The following LPP variants were observed in gnomAD, a reference collection of about 807,000 sequenced individuals.
LPP encodes the protein lipoma-preferred partner.
LPP carries 38 observed loss-of-function variants against 60.4 expected under a neutral mutation model. That is an observed-to-expected ratio of 0.63 (90% CI 0.49 to 0.83). The LOEUF (loss-of-function observed/expected upper bound fraction) is 0.83. Among genes scored for constraint, LPP ranks in the 40% least tolerant of loss-of-function variants. LPP has a pLI of 0.00. For synonymous variants in LPP, 328 were observed against 290.8 expected (o/e 1.13, Z -1.30); for missense variants, 902 against 783.6 (o/e 1.15, Z -1.80).
intron 3 of LPP, among the ~76,000 whole-genome samples, chr3:188,345,504 A>T (rs1210369271): frequency 6.6e-6 from 1 of 151,940 alleles, no homozygotes; most frequent in African/African-American, 2.4e-5. Context: ...GGGGAACATT[A>T]AAAAAAAGAA....
intron 8 of LPP, among the ~76,000 whole-genome samples, chr3:188,749,443 T>G (rs1255878948): frequency 2.0e-5 from 3 of 152,200 alleles, no homozygotes; most frequent in Non-Finnish European, 4.4e-5. Flanking sequence ...ACCCTTGAAA[T>G]CCTCTTAACA....
chr3:188,686,177 A>G (rs906133343), intron 7 of LPP, among the ~76,000 whole-genome samples: 1 of 152,158 alleles, frequency 6.6e-6, no homozygotes, highest in African/African-American at 2.4e-5. Context: ...TCTGTACAAA[A>G]TATATTACTC....
At chr3:188,260,036 C>A (rs1277333501) in intron 2 of LPP, among the ~76,000 whole-genome samples, 1 of 151,558 alleles carries the variant, frequency 6.6e-6, no homozygotes, top group Admixed American at 6.6e-5. Flanking sequence ...ATTTATTATT[C>A]TTATTTTATT....
At chr3:188,731,421 T>C (rs1263288422) in intron 8 of LPP, among the ~76,000 whole-genome samples, 2 of 152,210 alleles carry the variant, frequency 1.3e-5, no homozygotes, top group Non-Finnish European at 2.9e-5. Context: ...GCTTGATCTT[T>C]TTGATGGAGC....
At chr3:188,190,995 G>A (rs1194277606) in intron 1 of LPP, among the ~76,000 whole-genome samples, 1 of 152,238 alleles carries the variant, frequency 6.6e-6, no homozygotes, top group African/African-American at 2.4e-5. Context: ...ACTTTGGGGG[G>A]CCGAGGCAGG....
At chr3:188,161,512 C>A (rs1419834453) in intron 1 of LPP, among the ~76,000 whole-genome samples, 1 of 152,124 alleles carries the variant, frequency 6.6e-6, no homozygotes, top group East Asian at 1.9e-4. Flanking sequence ...AGCAAGCTGC[C>A]AGCCAAGCAT....
At chr3:188,309,603 T>C (rs1752729680) in intron 2 of LPP, among the ~76,000 whole-genome samples, 1 of 152,132 alleles carries the variant, frequency 6.6e-6, no homozygotes, top group Admixed American at 6.6e-5. Flanking sequence ...GAATTAGTTG[T>C]GTCCTGTGGC....
At chr3:188,854,117 GAGTT>G (rs1763274292) in intron 9 of LPP, among the ~76,000 whole-genome samples, 1 of 152,194 alleles carries the variant, frequency 6.6e-6, no homozygotes, top group South Asian at 2.1e-4. Flanking sequence ...GACACTGAAA[GAGTT>G]AGTCCACCAC....
intron 4 of LPP, among the ~76,000 whole-genome samples, chr3:188,450,916 G>A (rs7609720): frequency 0.35 from 52,925 of 151,924 alleles, 10,489 homozygotes; most frequent in African/African-American, 0.53. Context: ...TGCCACAAAT[G>A]TACTGTCGTG....
intron 7 of LPP, among the ~76,000 whole-genome samples, chr3:188,652,929 C>T (rs569983521): frequency 1.3e-5 from 2 of 152,150 alleles, no homozygotes. Context: ...ACCCTACCCC[C>T]AAATGTCTAA....
intron 2 of LPP, among the ~76,000 whole-genome samples, chr3:188,310,669 A>C (rs1347631106): frequency 6.6e-6 from 1 of 152,116 alleles, no homozygotes; most frequent in East Asian, 1.9e-4. Context: ...ATTTTTTTAA[A>C]ATTCATTTTC....
At chr3:188,509,019 G>T (rs1814402496) in intron 5 of LPP, among the ~76,000 whole-genome samples, 1 of 152,196 alleles carries the variant, frequency 6.6e-6, no homozygotes, top group Admixed American at 6.5e-5. Context: ...AAAATCTTAT[G>T]TTCATGGATA....
intron 7 of LPP, among the ~76,000 whole-genome samples, chr3:188,637,919 G>A (rs1317863614): frequency 4.8e-4 from 72 of 149,884 alleles, no homozygotes; most frequent in East Asian, 2.2e-3. Flanking sequence ...ATTCACAGCC[G>A]AATTCTACCA....
chr3:188,165,962 A>G (rs1322726352), intron 1 of LPP, among the ~76,000 whole-genome samples: 4 of 152,080 alleles, frequency 2.6e-5, no homozygotes, highest in East Asian at 1.9e-4. Context: ...GTCAAGGAAG[A>G]TCTCCACCCT....
intron 2 of LPP, among the ~76,000 whole-genome samples, chr3:188,285,751 C>T (rs1402533571): frequency 6.6e-6 from 1 of 152,146 alleles, no homozygotes; most frequent in East Asian, 1.9e-4. Flanking sequence ...AACAGCCTCC[C>T]TCCCACAACC....
intron 2 of LPP, among the ~76,000 whole-genome samples, chr3:188,270,267 A>G (rs1737265767): frequency 6.6e-6 from 1 of 151,734 alleles, no homozygotes; most frequent in African/African-American, 2.4e-5. Context: ...TATAAGAACA[A>G]CCTTCGTTCC....
At chr3:188,683,547 A>G (rs1859991688) in intron 7 of LPP, among the ~76,000 whole-genome samples, 1 of 152,152 alleles carries the variant, frequency 6.6e-6, no homozygotes, top group African/African-American at 2.4e-5. Flanking sequence ...TTCTTAGGGA[A>G]ATAGTCTGTA....
intron 4 of LPP, among the ~76,000 whole-genome samples, chr3:188,448,078 A>G (rs972020722): frequency 3.9e-5 from 6 of 152,152 alleles, no homozygotes; most frequent in Non-Finnish European, 8.8e-5. Context: ...CAGGGTCTAT[A>G]TTGGATTGTA....
chr3:188,283,451 A>C (rs1282523148), intron 2 of LPP, among the ~76,000 whole-genome samples: 1 of 152,166 alleles, frequency 6.6e-6, no homozygotes, highest in East Asian at 1.9e-4. Flanking sequence ...CAGACTGCTC[A>C]CATGATGTGC....
Sources: gnomAD v4.1 joint callset for allele counts (sites outside exome capture counted in the v4.1 genomes callset) on GRCh38, gnomAD v4.1.1 for gene constraint, MANE v1.5 for transcripts, NCBI Gene and HGNC (gene_info 2026-07-23, HGNC 2026-07-21) for gene names.